CSDC2: variants seen among roughly 807,000 people sequenced by gnomAD.
CSDC2 encodes the protein cold shock domain containing C2.
Under a neutral mutation model 15.8 loss-of-function variants are expected in CSDC2, and 8 were observed. The observed-to-expected ratio is 0.51, with a 90% CI of 0.30 to 0.92. The LOEUF is 0.92. Among genes scored for constraint, CSDC2 ranks in the 40% least tolerant of loss-of-function variants. The pLI, the probability that CSDC2 is intolerant of heterozygous loss-of-function variation, is 0.07. For synonymous variants in CSDC2, 96 were observed against 92.3 expected, an observed-to-expected ratio of 1.04 and a Z score of -0.23; for missense variants, 195 against 213.3, an observed-to-expected ratio of 0.91 and a Z score of 0.53.
chr22:41,565,436 T>A (rs1183917319), intron 1 of CSDC2, among the ~76,000 whole-genome samples: 1 of 108,964 alleles, frequency 9.2e-6, no homozygotes, highest in African/African-American at 3.8e-5. Context: ...GGTGACGGAG[T>A]AAGATTCCAT....
At chr22:41,573,445 G>A (rs553574621) in intron 2 of CSDC2, among the ~76,000 whole-genome samples, 1 of 151,934 alleles carries the variant, frequency 6.6e-6, no homozygotes, top group Non-Finnish European at 1.5e-5. Flanking sequence ...TGATCCTCCC[G>A]CCTCAGCCTC....
chr22:41,570,609 G>A (rs139267856), intron 1 of CSDC2, among the ~76,000 whole-genome samples: 119 of 152,204 alleles, frequency 7.8e-4, no homozygotes, highest in Non-Finnish European at 1.2e-3. Flanking sequence ...ATCAACTGAG[G>A]TCAGGAGTTC....
intron 2 of CSDC2, among the ~76,000 whole-genome samples, chr22:41,573,237 C>T (rs1325267003): frequency 2.6e-5 from 4 of 152,040 alleles, no homozygotes; most frequent in Non-Finnish European, 5.9e-5. Flanking sequence ...TGCCTGTAAT[C>T]CCAGCTACTC....
At chr22:41,563,565 G>C (rs572525013) in intron 1 of CSDC2, among the ~76,000 whole-genome samples, 20 of 152,194 alleles carry the variant, frequency 1.3e-4, no homozygotes, top group African/African-American at 4.6e-4. Context: ...GTCTGAGTCA[G>C]CGCAAAGCCA....
chr22:41,573,606 G>C (rs1172900432), intron 2 of CSDC2, 49 bp from the exon 3 acceptor site: 2 of 1,576,642 alleles, frequency 1.3e-6, no homozygotes, highest in Non-Finnish European at 1.7e-6. Context: ...TAGGGATCCG[G>C]GGAGGAGTTC....
chr22:41,575,036 C>A lies in CSDC2; in HGVS notation c.*141C>A. 1 of 1,040,456 alleles carries A rather than the reference C, an allele frequency of 9.6e-7. No homozygotes were observed. The highest frequency in any genetic ancestry group is 1.4e-6 in the Non-Finnish European group (1 of 728,184). 64.5% of individuals were successfully genotyped at this position (1,040,456 alleles called of 1,614,324 possible). ...GTGCACGTCTGTCTGTCCGTCTGTG[C>A]TTGTGGCTATGAGCGTGTGCCTCCA... On this transcript the variant is annotated 3_prime_UTR_variant, in exon 4 of 4. Transcript: ENST00000306149.
At chr22:41,563,367 CAAGCTCCCGATGTTCGGG>C (rs915835895) in intron 1 of CSDC2, among the ~76,000 whole-genome samples, 2 of 152,192 alleles carry the variant, frequency 1.3e-5, no homozygotes, top group Non-Finnish European at 2.9e-5. Context: ...CCACCATGCA[CAAGCTCCCGATGTTCGGG>C]AAGCCCTTCC....
At chr22:41,565,348 G>A (rs1363156554) in intron 1 of CSDC2, among the ~76,000 whole-genome samples, 2 of 150,612 alleles carry the variant, frequency 1.3e-5, no homozygotes, top group Non-Finnish European at 3.0e-5. Flanking sequence ...TACTCAGGAG[G>A]CTAAGGAAGG....
intron 3 of CSDC2, among the ~76,000 whole-genome samples, chr22:41,574,462 C>T (rs897191966): frequency 2.0e-5 from 3 of 152,174 alleles, no homozygotes; most frequent in East Asian, 1.9e-4. Context: ...GCCAGGGTTT[C>T]GCCATGTTGG....
intron 2 of CSDC2, 143 bp downstream of exon 2, chr22:41,572,284 C>A: frequency 3.3e-6 from 2 of 598,660 alleles, no homozygotes; most frequent in Non-Finnish European, 5.0e-6. Context: ...GATGTTTGTC[C>A]CATACATCCA....
intron 1 of CSDC2, among the ~76,000 whole-genome samples, chr22:41,562,487 G>A (rs2067092239): frequency 6.6e-6 from 1 of 151,794 alleles, no homozygotes; most frequent in Admixed American, 6.6e-5. Flanking sequence ...TTTGGCCACA[G>A]ATGGCTCTCC....
chr22:41,574,998 C>T lies in CSDC2; in HGVS notation c.*103C>T, dbSNP rs554510510. ...CCACTGCCCTGGCTGATGAGTCCTT[C>T]GGTGGCCTCAGTGTGCACGTCTGTC... On this transcript the variant is annotated 3_prime_UTR_variant, in exon 4 of 4. Coordinates refer to ENST00000306149, the MANE Select transcript of CSDC2 (RefSeq NM_014460.4). The T allele has an allele frequency of 9.8e-5, 131 of 1,343,014 alleles. 2 individuals carry two copies. In the Middle Eastern group the frequency reaches 2.4e-3, roughly 25 times the overall value. The allele number at this position is 1,343,014 out of a possible 1,614,324, so 83.2% of individuals were successfully genotyped here. A position where few individuals can be genotyped will look rare whatever the true frequency, so the allele number is the denominator to read the frequency against.
chr22:41,564,993 C>G (rs576413035), intron 1 of CSDC2, among the ~76,000 whole-genome samples: 2 of 152,216 alleles, frequency 1.3e-5, no homozygotes, highest in South Asian at 4.1e-4. Flanking sequence ...TGGTGAAACT[C>G]TGTCTCTACT....
chr22:41,573,791 A>G lies in CSDC2; in HGVS notation c.299+14A>G. 6.2e-7 allele frequency: 1 copy of G among 1,605,738 alleles called. No individual in the cohort carries two copies. The highest frequency in any genetic ancestry group is 8.5e-7 in the Non-Finnish European group (1 of 1,174,868). On this transcript the variant is annotated intron_variant, in intron 3 of 3. Transcript: ENST00000306149. ...ACATGTGTCTGAGTGAGTCCCCTCC[A>G]CCTCCCTGTTCTTGGCCCCTGCCCT...
At position 41,575,175 on chromosome 22, in the gene CSDC2, A is replaced by C; in HGVS notation, c.*280A>C. ...GCCTCTCTCCTCCCCTCCCTGCCGC[A>C]GACACGCAGGACCCGCTCGCCCTCC... On this transcript the variant is annotated 3_prime_UTR_variant, in exon 4 of 4. Transcript: ENST00000306149. 2.0e-6 allele frequency: 1 copy of C among 510,200 alleles called. No individual in the cohort carries two copies. The highest frequency in any genetic ancestry group is 2.4e-5 in the South Asian group (1 of 42,516). The allele number at this position is 510,200 out of a possible 1,614,324, so 31.6% of individuals were successfully genotyped here.
At chr22:41,569,194 G>A (rs566702631) in intron 1 of CSDC2, among the ~76,000 whole-genome samples, 6 of 152,262 alleles carry the variant, frequency 3.9e-5, no homozygotes, top group Non-Finnish European at 7.3e-5. Context: ...GGAGTGCACT[G>A]CAGGGCGTCT....
intron 1 of CSDC2, among the ~76,000 whole-genome samples, chr22:41,568,134 C>CTTTTTTTTTTTTTTTTTTTT (rs66884544): frequency 2.7e-5 from 3 of 109,552 alleles, no homozygotes; most frequent in African/African-American, 7.0e-5. Context: ...CTCTCCCTCT[C>CTTTTTTTTTTTTTTTTTTTT]TTTTTTTTGA....
rs1223884347 is a variant in CSDC2 at position 41,575,203 on chromosome 22, C to T, written c.*308C>T. The T allele has an allele frequency of 2.3e-6, 1 of 438,616 alleles. No individual in the cohort carries two copies. Among genetic ancestry groups the T allele is most frequent in the Non-Finnish European group, 4.2e-6 (1 of 239,828 alleles). The allele number at this position is 438,616 out of a possible 1,614,324, so 27.2% of individuals were successfully genotyped here. A position where few individuals can be genotyped will look rare whatever the true frequency, so the allele number is the denominator to read the frequency against. ...CACGCAGGACCCGCTCGCCCTCCTG[C>T]TTACCCGTCCCCACGGTGACTGAGC... On this transcript the variant is annotated 3_prime_UTR_variant, in exon 4 of 4. Transcript: ENST00000306149.
intron 1 of CSDC2, among the ~76,000 whole-genome samples, chr22:41,564,419 C>A (rs964736536): frequency 6.6e-6 from 1 of 151,974 alleles, no homozygotes; most frequent in Non-Finnish European, 1.5e-5. Context: ...TGCCACCACG[C>A]CCAGTTAATT....
Sources: gnomAD v4.1 joint callset for allele counts (sites outside exome capture counted in the v4.1 genomes callset) on GRCh38, gnomAD v4.1.1 for gene constraint, MANE v1.5 for transcripts, NCBI Gene and HGNC (gene_info 2026-07-23, HGNC 2026-07-21) for gene names.